Variants in PIK3R5 observed in about 807,000 individuals in gnomAD.
PIK3R5 encodes phosphoinositide 3-kinase regulatory subunit 5.
PIK3R5 carries 32 observed loss-of-function variants against 94.9 expected under a neutral mutation model. That is an observed-to-expected ratio of 0.34 (90% CI 0.25 to 0.45). PIK3R5 has a LOEUF of 0.45. PIK3R5 is among the 20% of genes least tolerant of loss of function. PIK3R5 has a pLI of 1.00. For synonymous variants in PIK3R5, 443 were observed against 479.4 expected (o/e 0.92, Z 0.99); for missense variants, 853 against 1,144.6 (o/e 0.75, Z 3.68).
In PIK3R5 at chr17:8,904,385, T is replaced by A. The variant is rs956283185; in HGVS notation, c.412+392A>T. 6.6e-6 allele frequency among the ~76,000 whole-genome samples: 1 copy of A among 152,188 alleles called. No homozygotes were observed. The highest frequency in any genetic ancestry group is 1.5e-5 in the Non-Finnish European group (1 of 68,032). ...TCAACCCACACACACAATTACCTAC[T>A]TGTTCCTGGGGCACAGAGAACATGC... On this transcript the variant is annotated intron_variant, in intron 5 of 18. Transcript: ENST00000447110. The surrounding 1 kb of genome is among the most constrained non-coding windows in gnomAD (Gnocchi z 5.1).
chr17:8,887,948 C>T, intron 10 of PIK3R5, among the ~76,000 whole-genome samples: 1 of 149,510 alleles, frequency 6.7e-6, no homozygotes, highest in East Asian at 1.9e-4. Flanking sequence ...TTGCAGTGAG[C>T]CGAGATCATG....
chr17:8,948,064 A>G (rs1333133140), intron 1 of PIK3R5, among the ~76,000 whole-genome samples: 2 of 145,794 alleles, frequency 1.4e-5, no homozygotes, highest in Non-Finnish European at 3.0e-5. Context: ...AAAAAAAAAA[A>G]AAGAAAAGAA....
chr17:8,904,701 A>T lies in PIK3R5; in HGVS notation c.412+76T>A. The T allele has an allele frequency of 6.7e-7, 1 of 1,498,570 alleles. No homozygotes were observed. The highest frequency in any genetic ancestry group is 1.2e-5 in the South Asian group (1 of 84,692). 92.8% of individuals were successfully genotyped at this position (1,498,570 alleles called of 1,614,324 possible). On this transcript the variant is annotated intron_variant, in intron 5 of 18. Transcript: ENST00000447110. This position sits in a 1 kb window ranked among gnomAD's most constrained non-coding sequence, Gnocchi z 5.1. ...GGATGCAAGGTAAGGAGGGTCACAA[A>T]AAACAGTTTCAGAGGAGTTGGAAGC...
intron 5 of PIK3R5, among the ~76,000 whole-genome samples, chr17:8,900,144 T>C (rs539751112): frequency 1.2e-4 from 18 of 152,344 alleles, no homozygotes; most frequent in African/African-American, 4.3e-4. Flanking sequence ...TTAGGTTCTT[T>C]AAAATTGAAG....
intron 1 of PIK3R5, among the ~76,000 whole-genome samples, chr17:8,953,214 C>G (rs1378866634): frequency 6.6e-6 from 1 of 152,180 alleles, no homozygotes; most frequent in South Asian, 2.1e-4. Flanking sequence ...AACTCAAGTA[C>G]CCTCTAGAAC....
intron 1 of PIK3R5, among the ~76,000 whole-genome samples, chr17:8,960,329 C>T (rs191322748): frequency 1.3e-5 from 2 of 152,242 alleles, no homozygotes; most frequent in African/African-American, 4.8e-5. Flanking sequence ...TTCAGAGAAA[C>T]CTTTCCTTAA....
intron 4 of PIK3R5, 45 bp downstream of exon 4, chr17:8,905,624 C>A: frequency 6.8e-7 from 1 of 1,467,720 alleles, no homozygotes; most frequent in Non-Finnish European, 9.3e-7. Flanking sequence ...GGTCGCTCCT[C>A]CCCCTCCTCC....
At chr17:8,947,821 A>G (rs1418307551) in intron 1 of PIK3R5, among the ~76,000 whole-genome samples, 1 of 152,128 alleles carries the variant, frequency 6.6e-6, no homozygotes, top group African/African-American at 2.4e-5. Flanking sequence ...AGGCCGGTGG[A>G]TCACAAGGTC....
intron 1 of PIK3R5, among the ~76,000 whole-genome samples, chr17:8,920,037 C>T (rs1453778683): frequency 6.6e-6 from 1 of 151,866 alleles, no homozygotes; most frequent in Non-Finnish European, 1.5e-5. Flanking sequence ...GCATGCACCA[C>T]CATACCAGGC....
At chr17:8,951,149 A>G (rs998085786) in intron 1 of PIK3R5, among the ~76,000 whole-genome samples, 3 of 152,078 alleles carry the variant, frequency 2.0e-5, no homozygotes, top group Non-Finnish European at 2.9e-5. Context: ...AAATGGGGTT[A>G]TTTGGTTTTG....
intron 1 of PIK3R5, among the ~76,000 whole-genome samples, chr17:8,942,236 C>T (rs1025073845): frequency 1.3e-5 from 2 of 152,160 alleles, no homozygotes; most frequent in Non-Finnish European, 2.9e-5. Context: ...ACCCCAGGAC[C>T]TGTGCCCCTT....
At position 8,889,100 on chromosome 17, in the gene PIK3R5, G is replaced by A; in HGVS notation, c.895+39C>T. ...CAGGACCAGAAACACAGCTCAGGCA[G>A]TGTGGGGCATGGGTGTCACCAGGGC... On this transcript the variant is annotated intron_variant, in intron 9 of 18. Coordinates refer to ENST00000447110, the MANE Select transcript of PIK3R5 (RefSeq NM_001142633.3). This position sits in a 1 kb window ranked among gnomAD's most constrained non-coding sequence, Gnocchi z 4.1. 6.3e-7 allele frequency: 1 copy of A among 1,588,976 alleles called. No individual in the cohort carries two copies. The highest frequency in any genetic ancestry group is 8.6e-7 in the Non-Finnish European group (1 of 1,162,618).
chr17:8,944,213 G>A (rs1409681908), intron 1 of PIK3R5, among the ~76,000 whole-genome samples: 23 of 152,062 alleles, frequency 1.5e-4, no homozygotes, highest in Admixed American at 1.5e-3. Flanking sequence ...TATCTATTAT[G>A]CTGAGAATAA....
rs61759593 is a variant in PIK3R5 at position 8,901,175 on chromosome 17, T to A, written c.412+3602A>T. On this transcript the variant is annotated intron_variant, in intron 5 of 18. Transcript: ENST00000447110. Reference sequence around the variant, plus strand: ...GGAGTTTGACCTTAAACTGGCGTGTTCCTTTAGGGTTTGTTCCTTTAACTG... The same window carrying A: ...GGAGTTTGACCTTAAACTGGCGTGTACCTTTAGGGTTTGTTCCTTTAACTG... Among the ~76,000 whole-genome samples, 889 of 152,228 alleles carry A rather than the reference T, an allele frequency of 5.8e-3. 9 individuals are homozygous for A. The highest frequency in any genetic ancestry group is 0.02 in the African/African-American group (839 of 41,526).
intron 1 of PIK3R5, among the ~76,000 whole-genome samples, chr17:8,939,552 G>C (rs1047872783): frequency 6.6e-6 from 1 of 152,212 alleles, no homozygotes; most frequent in Admixed American, 6.5e-5. Flanking sequence ...GTAGTAAAGA[G>C]CATGAATGAC....
chr17:8,911,282 G>A lies in PIK3R5; in HGVS notation c.103+110C>T, dbSNP rs1313191353. The A allele has an allele frequency of 6.2e-6, 5 of 811,380 alleles. No homozygotes were observed. The highest frequency in any genetic ancestry group is 1.0e-5 in the Non-Finnish European group (5 of 491,874). 50.3% of individuals were successfully genotyped at this position (811,380 alleles called of 1,614,324 possible). A position where few individuals can be genotyped will look rare whatever the true frequency, so the allele number is the denominator to read the frequency against. ...GGCTGAGGCTTGCCCAAGTCACACA[G>A]ACAGGGTTTCACCTAGAATTTGCCA... is the stretch of plus-strand genomic sequence containing the variant. On this transcript the variant is annotated intron_variant, in intron 2 of 18. Transcript: ENST00000447110. This position sits in a 1 kb window ranked among gnomAD's most constrained non-coding sequence, Gnocchi z 5.3.
chr17:8,902,077 G>A (rs971467059), intron 5 of PIK3R5, among the ~76,000 whole-genome samples: 2 of 151,488 alleles, frequency 1.3e-5, no homozygotes, highest in Non-Finnish European at 2.9e-5. Flanking sequence ...GATAGGGGGG[G>A]AAGAAGAGTC....
In PIK3R5 at chr17:8,959,982, G is replaced by A. The variant is rs114699413; in HGVS notation, c.-14+5614C>T. 8.4e-3 allele frequency among the ~76,000 whole-genome samples: 1,281 copies of A among 152,280 alleles called. 32 individuals are homozygous for A. The highest frequency in any genetic ancestry group is 0.03 in the African/African-American group (1,241 of 41,528). On this transcript the variant is annotated intron_variant, in intron 1 of 18. Coordinates refer to ENST00000447110, the MANE Select transcript of PIK3R5 (RefSeq NM_001142633.3). ...TGAGCGGGACACGCTATCTGGTGAT[G>A]GTCAGTGGAAAGGAGAAGAGAGGCC... is the stretch of plus-strand genomic sequence containing the variant.
chr17:8,952,529 G>A (rs2091394075), intron 1 of PIK3R5, among the ~76,000 whole-genome samples: 1 of 152,124 alleles, frequency 6.6e-6, no homozygotes, highest in Non-Finnish European at 1.5e-5. Flanking sequence ...CCTACTCTAG[G>A]GAGAGCAGCA....
Sources: allele counts gnomAD v4.1 joint callset (sites outside exome capture counted in the v4.1 genomes callset), GRCh38; gene constraint gnomAD v4.1.1; non-coding constraint Gnocchi (gnomAD v3.1); transcripts MANE v1.5; gene names NCBI Gene and HGNC (gene_info 2026-07-23, HGNC 2026-07-21).